Variants in MAEL observed in about 807,000 individuals in gnomAD.
The protein encoded by MAEL is maelstrom spermatogenic transposon silencer, also known as protein maelstrom homolog.
MAEL carries 46 observed loss-of-function variants against 62.0 expected under a neutral mutation model. The observed-to-expected ratio is 0.74, with a 90% CI of 0.59 to 0.95. MAEL has a LOEUF of 0.95. MAEL is among the 40% of genes least tolerant of loss of function. The pLI, the probability that MAEL is intolerant of heterozygous loss-of-function variation, is 0.00. For missense variants in MAEL, 497 were observed against 526.8 expected, an observed-to-expected ratio of 0.94 and a Z score of 0.55; for synonymous variants, 172 against 175.5, an observed-to-expected ratio of 0.98 and a Z score of 0.16.
chr1:167,004,277 AG>A lies in MAEL; in HGVS notation c.624del (p.Asn209ThrfsTer19). On this transcript the variant is annotated frameshift_variant, in exon 6 of 12. Coordinates refer to ENST00000367872, the MANE Select transcript of MAEL (RefSeq NM_032858.3). LOFTEE classifies it high-confidence loss of function. ...TTTATAGATTTATTCATCCCAACCC[AG>A]GGAACTGGCCACCTATCTACTGCAA... ...NLYRFIHPNP[G>X]NWPPIYCKSD... is the part of the protein sequence containing the mutation. 6.2e-7 allele frequency: 1 copy of A among 1,607,374 alleles called. No homozygotes were observed. The highest frequency in any genetic ancestry group is 8.5e-7 in the Non-Finnish European group (1 of 1,177,156).
rs372986703 is a variant in MAEL, at chr1:167,005,316, A to G, written c.764A>G (p.Gln255Arg). The G allele has an allele frequency of 8.1e-6, 13 of 1,613,614 alleles. No individual in the cohort carries two copies. In the African/African-American group the frequency reaches 1.3e-4, roughly 17 times the overall value. ...VEDLVVGIYQQKFLKEPSKTW... is the reference protein window; with the variant it reads ...VEDLVVGIYQRKFLKEPSKTW... The stretch of plus-strand genomic sequence containing the variant: ...GACCTTGTAGTGGGGATCTACCAAC[A>G]AAAATTTCTCAAGGAGCCCTCTAAG... The change falls in exon 8 of 12, where the codon CAA becomes CGA. Residue 255 changes from glutamine to arginine, a missense_variant. Gln to Arg is a conservative substitution (Grantham distance 43, BLOSUM62 1). Transcript: ENST00000367872.
At position 167,021,990 on chromosome 1, in the gene MAEL, A is replaced by C. The variant is rs1457031630; in HGVS notation, c.*135A>C. On this transcript the variant is annotated 3_prime_UTR_variant, in exon 12 of 12. Transcript: ENST00000367872. ...ACTTAATTTGTAAGGAAATTGTTTC[A>C]TAGATTTAAAAAAATTGTGGTTGGA... 1 of 628,536 alleles carries C rather than the reference A, an allele frequency of 1.6e-6. No individual in the cohort carries two copies. The highest frequency in any genetic ancestry group is 2.6e-6 in the Non-Finnish European group (1 of 390,354). The allele number at this position is 628,536 out of a possible 1,614,324, so 38.9% of individuals were successfully genotyped here.
chr1:166,988,506 A>C (rs927659888), upstream of MAEL, among the ~76,000 whole-genome samples: 1 of 152,254 alleles, frequency 6.6e-6, no homozygotes, highest in African/African-American at 2.4e-5. Flanking sequence ...CGAGAAAGGA[A>C]TTTTCTCTGG....
Position 166,989,448 on chromosome 1 carries a change from T to G in MAEL, c.96T>G (p.Val32=), listed in dbSNP as rs1341481460. 1 of 1,589,874 alleles carries G rather than the reference T, an allele frequency of 6.3e-7. No individual in the cohort carries two copies. The highest frequency in any genetic ancestry group is 8.6e-7 in the Non-Finnish European group (1 of 1,168,538). ...GACGAGGCCTGCCTGTGGCTCGCGT[T>G]GCTGATGCCATCCCTTACTGCTCCT... The part of the protein sequence containing the change: ...LRRRGLPVAR[V]ADAIPYCSSD... The change falls in exon 1 of 12, where the codon GTT becomes GTG. Residue 32 remains valine (V), a synonymous_variant. Transcript: ENST00000367872.
intron 3 of MAEL, 50 bp downstream of exon 3, chr1:166,991,527 C>T: frequency 9.5e-7 from 1 of 1,057,916 alleles, no homozygotes; most frequent in Non-Finnish European, 1.5e-6. Flanking sequence ...GTGCCCAAAA[C>T]ACTATATTTG....
upstream of MAEL, among the ~76,000 whole-genome samples, chr1:166,988,619 C>A (rs534175615): frequency 6.6e-6 from 1 of 151,990 alleles, no homozygotes; most frequent in East Asian, 1.9e-4. Context: ...AAAATCAATA[C>A]CTTCTCTAGA....
intron 5 of MAEL, among the ~76,000 whole-genome samples, chr1:166,994,977 T>G (rs77829527): frequency 6.8e-6 from 1 of 146,726 alleles, no homozygotes; most frequent in Non-Finnish European, 1.5e-5. Context: ...CCCAGTAATT[T>G]TTTTTTTTTT....
chr1:166,994,810 C>T (rs1664343833), intron 5 of MAEL, among the ~76,000 whole-genome samples: 1 of 151,408 alleles, frequency 6.6e-6, no homozygotes, highest in African/African-American at 2.4e-5. Flanking sequence ...GCTGGGACTA[C>T]AGGCACATGC....
At chr1:167,018,098 T>C (rs1665472911) in intron 10 of MAEL, 139 bp downstream of exon 10, 1 of 689,470 alleles carries the variant, frequency 1.5e-6, no homozygotes, top group East Asian at 2.8e-5. Context: ...CTTCATGGAA[T>C]GTCAAACAGT....
At chr1:166,975,891 A>G (rs453395) in intron 1 of MAEL, among the ~76,000 whole-genome samples, 56,195 of 151,796 alleles carry the variant, frequency 0.37, 10,769 homozygotes, top group Middle Eastern at 0.52. Flanking sequence ...GAACGGGGAG[A>G]GAGTGACAGC....
intron 1 of MAEL, among the ~76,000 whole-genome samples, chr1:166,979,383 C>G (rs770607259): frequency 9.3e-5 from 14 of 150,396 alleles, no homozygotes; most frequent in Non-Finnish European, 1.6e-4. Flanking sequence ...CTAAATTAAA[C>G]CAAGGAACTA....
intron 8 of MAEL, among the ~76,000 whole-genome samples, chr1:167,009,919 T>G (rs997529028): frequency 2.6e-5 from 4 of 152,148 alleles, no homozygotes; most frequent in Admixed American, 2.6e-4. Flanking sequence ...GTTTTGAAGT[T>G]TCTCATTCAG....
intron 5 of MAEL, among the ~76,000 whole-genome samples, chr1:166,998,669 T>G (rs552602483): frequency 2.0e-5 from 3 of 152,228 alleles, no homozygotes; most frequent in Admixed American, 6.5e-5. Flanking sequence ...TTTATCAGGA[T>G]AAAGATGTTT....
chr1:166,988,501 A>G (rs1664002774), upstream of MAEL, among the ~76,000 whole-genome samples: 1 of 152,156 alleles, frequency 6.6e-6, no homozygotes, highest in Non-Finnish European at 1.5e-5. Flanking sequence ...TGACCCGAGA[A>G]AGGAATTTTC....
intron 9 of MAEL, 92 bp downstream of exon 9, chr1:167,016,376 A>T: frequency 1.7e-6 from 2 of 1,186,244 alleles, no homozygotes; most frequent in Non-Finnish European, 2.5e-6. Context: ...CAATCGGGGT[A>T]ACTCTGTTTC....
chr1:167,017,504 T>C (rs1277605901), intron 9 of MAEL, among the ~76,000 whole-genome samples: 3 of 152,066 alleles, frequency 2.0e-5, no homozygotes, highest in African/African-American at 7.2e-5. Flanking sequence ...AGATTAGTGT[T>C]TATGGTTGTA....
intron 9 of MAEL, 72 bp downstream of exon 9, chr1:167,016,356 A>C: frequency 6.9e-7 from 1 of 1,450,106 alleles, no homozygotes; most frequent in Non-Finnish European, 9.7e-7. Flanking sequence ...TTTGCTTGCT[A>C]TAGCTTTGGC....
intron 8 of MAEL, among the ~76,000 whole-genome samples, chr1:167,012,721 C>A (rs1355080102): frequency 6.6e-6 from 1 of 152,194 alleles, no homozygotes; most frequent in Non-Finnish European, 1.5e-5. Flanking sequence ...GACATTAGAA[C>A]CGAAGTGGGA....
chr1:166,988,236 C>G (rs1011590548), upstream of MAEL, among the ~76,000 whole-genome samples: 8 of 151,264 alleles, frequency 5.3e-5, no homozygotes, highest in African/African-American at 1.9e-4. Flanking sequence ...GTAGCCCCAA[C>G]TACTCGGGGG....
Sources: gnomAD v4.1 joint callset for allele counts (sites outside exome capture counted in the v4.1 genomes callset) on GRCh38, gnomAD v4.1.1 for gene constraint, MANE v1.5 for transcripts, NCBI Gene and HGNC (gene_info 2026-07-23, HGNC 2026-07-21) for gene names.